HARS2: variants seen among roughly 807,000 people sequenced by gnomAD.
HARS2 encodes the protein histidyl-tRNA synthetase 2, mitochondrial, also known as histidine--tRNA ligase, mitochondrial.
HARS2 carries 40 observed loss-of-function variants against 62.4 expected under a neutral mutation model. The observed-to-expected ratio is 0.64, with a 90% CI of 0.50 to 0.83. HARS2 has a LOEUF of 0.83. Ranked by LOEUF, HARS2 falls within the 40% of genes least tolerant of loss-of-function variation. The probability of loss-of-function intolerance (pLI) is 0.00; values close to 1 mark genes in which losing one functional copy is unlikely to be tolerated. For synonymous variants in HARS2, 228 were observed against 227.0 expected (o/e 1.00, Z -0.04); for missense variants, 569 against 626.4 (o/e 0.91, Z 0.98).
rs201350285 is a variant in HARS2, at chr5:140,696,563, G to A, written c.775G>A (p.Gly259Ser). 6.2e-7 allele frequency: 1 copy of A among 1,613,986 alleles called. No individual in the cohort carries two copies. The highest frequency in any genetic ancestry group is 2.2e-5 in the East Asian group (1 of 44,888). The part of the protein sequence containing the change: ...DVRHEMVVKK[G>S]LAPEVADRIG... ...GAGACATGAGATGGTGGTGAAGAAA[G>A]GCCTGGCTCCTGAGGTGGCTGATCG... Residue 259 changes from glycine (G) to serine (S), a missense_variant, in exon 8 of 13, where the codon GGC becomes AGC. Coordinates refer to ENST00000230771, the MANE Select transcript of HARS2 (RefSeq NM_012208.4).
rs1334970113 is a variant in HARS2 at position 140,694,028 on chromosome 5, A to T, written c.277A>T (p.Met93Leu). 1 of 1,613,990 alleles carries T rather than the reference A, an allele frequency of 6.2e-7. No individual in the cohort carries two copies. The highest frequency in any genetic ancestry group is 8.5e-7 in the Non-Finnish European group (1 of 1,179,956). The change falls in exon 3 of 13, where the codon ATG (methionine) becomes TTG (leucine). Residue 93 changes from methionine (M) to leucine (L), a missense_variant. Met to Leu is a conservative substitution (Grantham distance 15). Coordinates refer to ENST00000230771, the MANE Select transcript of HARS2 (RefSeq NM_012208.4). ...CTTTAAACGTCATGGAGCAAAGGGG[A>T]TGGACACCCCAGCATTTGAGCTGAA... ...SCFKRHGAKGMDTPAFELKET... is the reference protein window; with the variant it reads ...SCFKRHGAKGLDTPAFELKET...
intron 8 of HARS2, 34 bp from the exon 9 acceptor site, chr5:140,696,909 G>A: frequency 6.3e-7 from 1 of 1,596,986 alleles, no homozygotes; most frequent in African/African-American, 1.4e-5. Flanking sequence ...TGAAACACAT[G>A]TGAGTGAACA....
chr5:140,697,544 G>A (rs1759800221), intron 10 of HARS2, 25 bp from the exon 11 acceptor site: 3 of 1,604,550 alleles, frequency 1.9e-6, no homozygotes, highest in Non-Finnish European at 1.7e-6. Flanking sequence ...GTTTTTATTA[G>A]TTTTACTTTC....
At chr5:140,693,084 A>G (rs142289599) in intron 1 of HARS2, among the ~76,000 whole-genome samples, 196 of 152,062 alleles carry the variant, frequency 1.3e-3, no homozygotes, top group African/African-American at 4.5e-3. Context: ...CTGTAATCCC[A>G]GCACTTTGGG....
intron 3 of HARS2, 51 bp downstream of exon 3, chr5:140,694,105 G>A (rs755600265): frequency 8.7e-6 from 14 of 1,611,876 alleles, no homozygotes; most frequent in African/African-American, 8.0e-5. Flanking sequence ...CTTCAATGGC[G>A]TTCAGTGTCC....
rs535794881 is a variant in HARS2, at chr5:140,698,170, C to T, written c.1461+92C>T. The T allele has an allele frequency of 1.2e-5, 15 of 1,237,538 alleles. No homozygotes were observed. The African/African-American group carries it at 1.6e-4, about 13-fold the overall frequency. 76.7% of individuals were successfully genotyped at this position (1,237,538 alleles called of 1,614,324 possible). A position where few individuals can be genotyped will look rare whatever the true frequency, so the allele number is the denominator to read the frequency against. Reference sequence around the variant, plus strand: ...ATGCATCTTCTGGCTGAGAAATTATCTTCATGGTTAATAGTGGTAGAGATG... The same window carrying T: ...ATGCATCTTCTGGCTGAGAAATTATTTTCATGGTTAATAGTGGTAGAGATG... On this transcript the variant is annotated intron_variant, in intron 12 of 12. Transcript: ENST00000230771.
At chr5:140,694,076 C>G (rs752600766) in intron 3 of HARS2, 22 bp downstream of exon 3, 1 of 1,613,816 alleles carries the variant, frequency 6.2e-7, no homozygotes, top group South Asian at 1.1e-5. Flanking sequence ...AGAAAGAGTA[C>G]GTGCAACCTC....
rs376863145 is a variant in HARS2 at position 140,693,960 on chromosome 5, A to G, written c.209A>G (p.His70Arg). 1.2e-5 allele frequency: 20 copies of G among 1,613,950 alleles called. No homozygotes were observed. The highest frequency in any genetic ancestry group is 1.7e-5 in the Admixed American group (1 of 59,982). ...PKGTRDLSPQ[H>R]MVVREKILDL... ...GGTACCAGGGATCTTAGTCCTCAGC[A>G]TATGGTTGTGAGGGAGAAAATTCTT... Residue 70 changes from histidine to arginine, a missense_variant, in exon 3 of 13, where the codon CAT (histidine) becomes CGT (arginine). By Grantham distance (29) the His-to-Arg change is conservative. Coordinates refer to ENST00000230771, the MANE Select transcript of HARS2 (RefSeq NM_012208.4).
chr5:140,698,478 T>G lies in HARS2; in HGVS notation c.1462-15T>G, dbSNP rs1037998945. The G allele has an allele frequency of 5.7e-6, 9 of 1,582,596 alleles. No individual in the cohort carries two copies. The highest frequency in any genetic ancestry group is 1.7e-4 in the Middle Eastern group (1 of 6,038). On this transcript the variant is annotated splice_polypyrimidine_tract_variant and intron_variant, in intron 12 of 12. Coordinates refer to ENST00000230771, the MANE Select transcript of HARS2 (RefSeq NM_012208.4). ...ACTTTCTAGTTTATCACATGAGGAT[T>G]CTCTTATGTTTCAGGTGGCCATTAA...
At chr5:140,696,705 A>G in intron 8 of HARS2, 91 bp downstream of exon 8, 1 of 987,368 alleles carries the variant, frequency 1.0e-6, no homozygotes, top group Middle Eastern at 2.1e-4. Flanking sequence ...TTTTCTGTAG[A>G]TATGCTAAGC....
rs371023273 is a variant in HARS2, at chr5:140,697,934, A to G, written c.1317A>G (p.Ala439=). 1.1e-5 allele frequency: 18 copies of G among 1,613,628 alleles called. No homozygotes were observed. Among genetic ancestry groups the G allele is most frequent in the South Asian group, 2.2e-5 (2 of 91,080 alleles). The change falls in exon 12 of 13, where the codon GCA becomes GCG. Residue 439 remains alanine, a splice_region_variant and synonymous_variant. Coordinates refer to ENST00000230771, the MANE Select transcript of HARS2 (RefSeq NM_012208.4). The part of the protein sequence containing the change: ...IAELWDSGIK[A]EMLYKNNPKL... Reference sequence around the variant, plus strand: ...TACTCTGTCTTGATCCTTTTCAGGCAGAGATGCTATACAAGAACAACCCCA... The same window carrying G: ...TACTCTGTCTTGATCCTTTTCAGGCGGAGATGCTATACAAGAACAACCCCA...
Position 140,697,346 on chromosome 5 carries a change from A to G in HARS2, c.1137A>G (p.Pro379=), listed in dbSNP as rs761232094. Residue 379 remains proline, a synonymous_variant, in exon 10 of 13, where the codon CCA becomes CCG. Transcript: ENST00000230771. ...GMFDPKGHKV[P]CVGLSIGVER... is the part of the protein sequence containing the mutation. ...TTGACCCCAAGGGCCACAAGGTGCC[A>G]TGTGTGGGACTCAGCATTGGGGTTG... 5.6e-6 allele frequency: 9 copies of G among 1,614,136 alleles called. No individual in the cohort carries two copies. Among genetic ancestry groups the G allele is most frequent in the Middle Eastern group, 1.6e-4 (1 of 6,062 alleles).
chr5:140,696,295 G>T, intron 7 of HARS2, 94 bp downstream of exon 7: 1 of 996,602 alleles, frequency 1.0e-6, no homozygotes, highest in Non-Finnish European at 1.6e-6. Context: ...ATTGTGGCTG[G>T]AAGTGGGCTA....
chr5:140,696,881 A>G, intron 8 of HARS2, 62 bp from the exon 9 acceptor site: 3 of 1,449,908 alleles, frequency 2.1e-6, no homozygotes, highest in Admixed American at 1.7e-5. Flanking sequence ...GCTAGAGCAC[A>G]TTAGGGATAA....
chr5:140,694,336 C>A, intron 4 of HARS2, 56 bp downstream of exon 4: 1 of 1,236,436 alleles, frequency 8.1e-7, no homozygotes, highest in Non-Finnish European at 1.2e-6. Flanking sequence ...AGCGGGCTTT[C>A]TCTGACAAAA....
chr5:140,691,860 C>A, intron 1 of HARS2, 104 bp downstream of exon 1: 1 of 803,832 alleles, frequency 1.2e-6, no homozygotes, highest in South Asian at 1.5e-5. Context: ...CGGTTTTTAT[C>A]GAGTGCCCAC....
In HARS2 at chr5:140,691,661, G is replaced by C. The variant is rs1351167956; in HGVS notation, c.13G>C (p.Gly5Arg). The C allele has an allele frequency of 3.2e-6, 5 of 1,550,474 alleles. No homozygotes were observed. In the South Asian group the frequency reaches 5.9e-5, roughly 18 times the overall value. Residue 5 changes from glycine (G) to arginine (R), a missense_variant, in exon 1 of 13, where the codon GGA becomes CGA. By Grantham distance (125) the Gly-to-Arg change is moderately radical. Transcript: ENST00000230771. ...GTCCTGCCGCGCGATGCCCCTGCTCGGACTTCTTCCCAGGAGGGCCTGGGC... is the reference window on the plus strand; with the variant it reads ...GTCCTGCCGCGCGATGCCCCTGCTCCGACTTCTTCCCAGGAGGGCCTGGGC... MPLL[G>R]LLPRRAWASL...
At chr5:140,694,146 A>G (rs770499453) in intron 3 of HARS2, 39 bp from the exon 4 acceptor site, 7 of 1,604,942 alleles carry the variant, frequency 4.4e-6, no homozygotes, top group Admixed American at 1.7e-5. Flanking sequence ...TTTTGGAGTC[A>G]TGCTTTCAAC....
At chr5:140,696,074 C>T in intron 6 of HARS2, 29 bp from the exon 7 acceptor site, 3 of 1,510,652 alleles carry the variant, frequency 2.0e-6, no homozygotes, top group Non-Finnish European at 2.8e-6. Context: ...CATTGACAAG[C>T]ACTTGGGTCA....
Sources: gnomAD v4.1 joint callset for allele counts (sites outside exome capture counted in the v4.1 genomes callset) on GRCh38, gnomAD v4.1.1 for gene constraint, MANE v1.5 for transcripts, NCBI Gene and HGNC (gene_info 2026-07-23, HGNC 2026-07-21) for gene names.